Variants in SNTN observed in about 807,000 individuals in gnomAD.
The protein encoded by SNTN is sentan.
A neutral mutation model predicts 12.3 loss-of-function variants in SNTN; 13 were observed. The observed-to-expected ratio is 1.05, with a 90% CI of 0.69 to 1.67. The LOEUF is 1.67. SNTN is among the 40% of genes most tolerant of loss of function. SNTN has a pLI of 0.00. For missense variants in SNTN, 189 were observed against 169.8 expected (o/e 1.11, Z -0.63); for synonymous variants, 69 against 58.5 (o/e 1.18, Z -0.82).
At chr3:63,661,243 A>G (rs1298644913) in intron 3 of SNTN, among the ~76,000 whole-genome samples, 1 of 152,232 alleles carries the variant, frequency 6.6e-6, no homozygotes, top group Non-Finnish European at 1.5e-5. Context: ...GTGTAAGAGG[A>G]AAAGAGGGCC....
At chr3:63,663,793 C>T (rs1436237547) in intron 3 of SNTN, 144 bp from the exon 4 acceptor site, 1 of 1,052,996 alleles carries the variant, frequency 9.5e-7, no homozygotes, top group Non-Finnish European at 1.4e-6. Flanking sequence ...AATTGTAAGC[C>T]AAATTTTTCT....
Position 63,664,188 on chromosome 3 carries a change from T to G in SNTN, c.*93T>G, listed in dbSNP as rs1004648469. ...TTTGATTAATTGAATATATCTATCA[T>G]GCATCTGAAATTGCCTAGGATGGTT... is the stretch of plus-strand genomic sequence containing the variant. On this transcript the variant is annotated 3_prime_UTR_variant, in exon 4 of 4. Coordinates refer to ENST00000343837, the MANE Select transcript of SNTN (RefSeq NM_001080537.2). 1 of 1,275,764 alleles carries G rather than the reference T, an allele frequency of 7.8e-7. No homozygotes were observed. The highest frequency in any genetic ancestry group is 2.6e-5 in the East Asian group (1 of 39,202). The allele number at this position is 1,275,764 out of a possible 1,614,324, so 79.0% of individuals were successfully genotyped here.
intron 2 of SNTN, 57 bp downstream of exon 2, chr3:63,654,853 A>G: frequency 6.7e-7 from 1 of 1,495,572 alleles, no homozygotes; most frequent in Non-Finnish European, 9.2e-7. Context: ...TGGCATGCCA[A>G]GTGTTAAAAA....
At chr3:63,653,580 G>T (rs988059359) in intron 1 of SNTN, among the ~76,000 whole-genome samples, 15 of 152,078 alleles carry the variant, frequency 9.9e-5, no homozygotes, top group Non-Finnish European at 1.9e-4. Context: ...GAACCCAAAA[G>T]TTCCTTTTAA....
intron 2 of SNTN, among the ~76,000 whole-genome samples, chr3:63,658,792 A>G (rs1365721494): frequency 3.3e-5 from 5 of 152,176 alleles, no homozygotes; most frequent in African/African-American, 1.2e-4. Flanking sequence ...CGGACTGAAC[A>G]TCATTCTTTG....
intron 2 of SNTN, among the ~76,000 whole-genome samples, chr3:63,657,404 A>T (rs1001516341): frequency 3.9e-5 from 6 of 152,044 alleles, no homozygotes. Flanking sequence ...CTAGTTCCCA[A>T]CTCTGCGAGG....
intron 3 of SNTN, among the ~76,000 whole-genome samples, chr3:63,661,875 T>A (rs896481236): frequency 6.6e-6 from 1 of 152,128 alleles, no homozygotes; most frequent in African/African-American, 2.4e-5. Context: ...TTAACACATA[T>A]GAAAATGAAG....
chr3:63,662,586 T>C (rs867912935), intron 3 of SNTN, among the ~76,000 whole-genome samples: 1 of 152,172 alleles, frequency 6.6e-6, no homozygotes, highest in African/African-American at 2.4e-5. Context: ...GCTAGTAAAG[T>C]GGTCCTGTCT....
In SNTN at chr3:63,664,348, T is replaced by C. The variant is rs1700778423; in HGVS notation, c.*253T>C. Reference sequence around the variant, plus strand: ...CCACTGAATAATAAATGGCTTTTGCTGAGTCAGTAGCGACCTAGAGCACTC... The same window carrying C: ...CCACTGAATAATAAATGGCTTTTGCCGAGTCAGTAGCGACCTAGAGCACTC... On this transcript the variant is annotated 3_prime_UTR_variant, in exon 4 of 4. Coordinates refer to ENST00000343837, the MANE Select transcript of SNTN (RefSeq NM_001080537.2). 3 of 362,844 alleles carry C rather than the reference T, an allele frequency of 8.3e-6. No homozygotes were observed. The highest frequency in any genetic ancestry group is 8.6e-5 in the South Asian group (2 of 23,386). The allele number at this position is 362,844 out of a possible 1,614,324, so 22.5% of individuals were successfully genotyped here.
intron 3 of SNTN, among the ~76,000 whole-genome samples, chr3:63,661,602 C>A (rs1700744589): frequency 6.6e-6 from 1 of 151,380 alleles, no homozygotes; most frequent in Non-Finnish European, 1.5e-5. Context: ...CAGTCACAGT[C>A]CTTTTTTTAA....
intron 1 of SNTN, among the ~76,000 whole-genome samples, chr3:63,654,063 TAG>T (rs1461708149): frequency 1.3e-5 from 2 of 152,242 alleles, no homozygotes; most frequent in Non-Finnish European, 2.9e-5. Context: ...ACCCTCACTG[TAG>T]ACTAGGTTAT....
chr3:63,654,169 G>A (rs2106937586), intron 1 of SNTN, among the ~76,000 whole-genome samples: 1 of 152,268 alleles, frequency 6.6e-6, no homozygotes, highest in South Asian at 2.1e-4. Flanking sequence ...CCCCAAGAGG[G>A]TAGGAATGTC....
rs569143904 is a variant in SNTN at position 63,661,946 on chromosome 3, G to T, written c.286-1991G>T. On this transcript the variant is annotated intron_variant, in intron 3 of 3. Coordinates refer to ENST00000343837, the MANE Select transcript of SNTN (RefSeq NM_001080537.2). ...TCCCTCTCAGAACACCAGGGGAAAA[G>T]AATTAAAAACCGGTCCTTAGGAAAG... 2.6e-5 allele frequency among the ~76,000 whole-genome samples: 4 copies of T among 152,246 alleles called. No individual in the cohort carries two copies. The South Asian group carries it at 6.2e-4, about 24-fold the overall frequency.
intron 2 of SNTN, among the ~76,000 whole-genome samples, chr3:63,658,730 T>C (rs1700709824): frequency 6.6e-6 from 1 of 152,136 alleles, no homozygotes; most frequent in South Asian, 2.1e-4. Flanking sequence ...CGCTCTGTAT[T>C]CTGGGAAGTA....
rs1303893396 is a variant in SNTN at position 63,664,818 on chromosome 3, T to C, written c.*723T>C. Reference sequence around the variant, plus strand: ...CCCAGGCTGGAGTGCAATGGCACGATCTCAGCTTACTGCAACCTCGATCTC... The same window carrying C: ...CCCAGGCTGGAGTGCAATGGCACGACCTCAGCTTACTGCAACCTCGATCTC... On this transcript the variant is annotated 3_prime_UTR_variant, in exon 4 of 4. Coordinates refer to ENST00000343837, the MANE Select transcript of SNTN (RefSeq NM_001080537.2). The C allele has an allele frequency of 6.6e-6, 1 of 152,156 alleles. No homozygotes were observed. The highest frequency in any genetic ancestry group is 6.6e-5 in the Admixed American group (1 of 15,266). The allele number at this position is 152,156 out of a possible 1,614,324, so 9.4% of individuals were successfully genotyped here.
chr3:63,657,255 G>A (rs1202060473), intron 2 of SNTN, among the ~76,000 whole-genome samples: 2 of 152,202 alleles, frequency 1.3e-5, no homozygotes, highest in Non-Finnish European at 2.9e-5. Flanking sequence ...AAAGAGGGCA[G>A]CAGAAATCGG....
chr3:63,659,483 C>T (rs947141397), intron 2 of SNTN, among the ~76,000 whole-genome samples: 2 of 151,994 alleles, frequency 1.3e-5, no homozygotes, highest in Non-Finnish European at 2.9e-5. Flanking sequence ...TCTAAGGTCA[C>T]ATGGCAAGCA....
rs76645399 is a variant in SNTN, at chr3:63,660,388, G to T, written c.285+524G>T. Among the ~76,000 whole-genome samples the T allele has an allele frequency of 1.1e-3, 164 of 152,252 alleles. 4 individuals carry two copies. The East Asian group carries it at 0.026, about 24-fold the overall frequency. On this transcript the variant is annotated intron_variant, in intron 3 of 3. Coordinates refer to ENST00000343837, the MANE Select transcript of SNTN (RefSeq NM_001080537.2). The stretch of plus-strand genomic sequence containing the variant: ...ATAGCAAGAGGAAGCCAGGAACTAT[G>T]TCTACGTCCAGGCCTAAGAAATTAC...
chr3:63,657,617 T>C (rs1442909199), intron 2 of SNTN, among the ~76,000 whole-genome samples: 1 of 152,154 alleles, frequency 6.6e-6, no homozygotes, highest in Non-Finnish European at 1.5e-5. Flanking sequence ...GGGAAAGGCA[T>C]GCTGTTTTTT....
Sources: allele counts gnomAD v4.1 joint callset (sites outside exome capture counted in the v4.1 genomes callset), GRCh38; gene constraint gnomAD v4.1.1; transcripts MANE v1.5; gene names NCBI Gene and HGNC (gene_info 2026-07-23, HGNC 2026-07-21).